Variants in ZNF385B observed in about 807,000 individuals in gnomAD.
ZNF385B encodes the protein zinc finger protein 533.
In ZNF385B, 23 loss-of-function variants were observed where a neutral mutation model predicts 39.2. That is an observed-to-expected ratio of 0.59 (90% confidence interval 0.42 to 0.83). The LOEUF (loss-of-function observed/expected upper bound fraction) is 0.83, where lower values mean the gene tolerates loss of function less well. ZNF385B is among the 40% of genes least tolerant of loss of function. ZNF385B has a pLI of 0.00. For missense variants in ZNF385B, 552 were observed against 598.9 expected, an observed-to-expected ratio of 0.92 and a Z score of 0.82; for synonymous variants, 205 against 222.6, an observed-to-expected ratio of 0.92 and a Z score of 0.70.
chr2:179,808,141 T>A (rs949514533), intron 1 of ZNF385B, among the ~76,000 whole-genome samples: 2 of 152,002 alleles, frequency 1.3e-5, no homozygotes, highest in South Asian at 2.1e-4. Flanking sequence ...CACGCCATTC[T>A]CCTGCCTTAG....
chr2:179,521,442 C>T (rs1293798136), intron 4 of ZNF385B, among the ~76,000 whole-genome samples: 1 of 149,428 alleles, frequency 6.7e-6, no homozygotes, highest in African/African-American at 2.5e-5. Flanking sequence ...TCAGGCGATC[C>T]GCCTGACTTG....
At chr2:179,825,193 T>C (rs563287986) in intron 1 of ZNF385B, among the ~76,000 whole-genome samples, 1 of 152,308 alleles carries the variant, frequency 6.6e-6, no homozygotes, top group Admixed American at 6.5e-5. Flanking sequence ...TGAATGGCCT[T>C]TGTATTACAA....
intron 5 of ZNF385B, among the ~76,000 whole-genome samples, chr2:179,493,689 A>ACATATGCATATACG (rs2055663409): frequency 2.1e-5 from 2 of 96,112 alleles, no homozygotes; most frequent in South Asian, 3.5e-4. Flanking sequence ...ACATATACAC[A>ACATATGCATATACG]TATATACATA....
At chr2:179,521,353 G>GTTTTTTTT (rs56392185) in intron 4 of ZNF385B, among the ~76,000 whole-genome samples, 30 of 108,162 alleles carry the variant, frequency 2.8e-4, no homozygotes, top group South Asian at 3.6e-4. Flanking sequence ...CACCTGGCCA[G>GTTTTTTTT]TTTTTTTTTT....
chr2:179,524,624 G>C (rs190477090), intron 4 of ZNF385B, among the ~76,000 whole-genome samples: 235 of 146,760 alleles, frequency 1.6e-3, no homozygotes, highest in African/African-American at 5.7e-3. Context: ...TATTTCTAGA[G>C]GTCCAATATG....
intron 3 of ZNF385B, among the ~76,000 whole-genome samples, chr2:179,646,546 T>C (rs1692736044): frequency 6.6e-6 from 1 of 152,194 alleles, no homozygotes; most frequent in Non-Finnish European, 1.5e-5. Context: ...AATGAATAAA[T>C]GAGCTCCTGC....
At position 179,717,138 on chromosome 2, in the gene ZNF385B, A is replaced by G. The variant is rs573735171; in HGVS notation, c.298+52365T>C. ...GTTTAGGCCCTCAAAATGAATATTC[A>G]AAAAAAAATTAGAACAAAAGTAGAA... On this transcript the variant is annotated intron_variant, in intron 3 of 9. Coordinates refer to ENST00000410066, the MANE Select transcript of ZNF385B (RefSeq NM_152520.6). Among the ~76,000 whole-genome samples the G allele has an allele frequency of 4.0e-5, 6 of 151,506 alleles. No individual in the cohort carries two copies. In the South Asian group the frequency reaches 1.2e-3, roughly 31 times the overall value.
intron 6 of ZNF385B, among the ~76,000 whole-genome samples, chr2:179,451,059 A>G (rs951076037): frequency 1.5e-5 from 2 of 134,138 alleles, no homozygotes; most frequent in African/African-American, 5.7e-5. Context: ...ATGATAACAC[A>G]TGGACACAGG....
chr2:179,500,070 T>A (rs961348063), intron 5 of ZNF385B, among the ~76,000 whole-genome samples: 1 of 151,900 alleles, frequency 6.6e-6, no homozygotes, highest in Non-Finnish European at 1.5e-5. Flanking sequence ...TATCTAAGAT[T>A]TAACCAAAGA....
intron 1 of ZNF385B, among the ~76,000 whole-genome samples, chr2:179,848,585 T>G (rs915261944): frequency 6.6e-6 from 1 of 152,238 alleles, no homozygotes; most frequent in African/African-American, 2.4e-5. Context: ...GGAATTTTGA[T>G]CTGGGTGAGA....
chr2:179,720,929 T>G (rs1333706234), intron 3 of ZNF385B, among the ~76,000 whole-genome samples: 3 of 142,664 alleles, frequency 2.1e-5, no homozygotes, highest in African/African-American at 7.8e-5. Context: ...CTGGCTGTTT[T>G]TTTTTTTTTT....
At chr2:179,858,164 T>C (rs954202891) in intron 1 of ZNF385B, among the ~76,000 whole-genome samples, 5 of 152,064 alleles carry the variant, frequency 3.3e-5, no homozygotes, top group African/African-American at 1.2e-4. Flanking sequence ...AATAGAAAGA[T>C]GAAGAAGCAG....
At chr2:179,449,626 T>G (rs1415291579) in intron 6 of ZNF385B, among the ~76,000 whole-genome samples, 1 of 152,040 alleles carries the variant, frequency 6.6e-6, no homozygotes, top group Non-Finnish European at 1.5e-5. Context: ...GGAAGAACAT[T>G]CCATGCTCAT....
intron 3 of ZNF385B, among the ~76,000 whole-genome samples, chr2:179,662,190 C>T (rs1445414829): frequency 6.6e-6 from 1 of 152,094 alleles, no homozygotes; most frequent in Non-Finnish European, 1.5e-5. Context: ...GTGGAGGAAG[C>T]TGTGGTATAT....
At chr2:179,640,963 GAA>G (rs1692212928) in intron 3 of ZNF385B, among the ~76,000 whole-genome samples, 1 of 152,070 alleles carries the variant, frequency 6.6e-6, no homozygotes, top group South Asian at 2.1e-4. Flanking sequence ...CTTTCTCTCT[GAA>G]AAGAGTTATT....
At position 179,525,527 on chromosome 2, in the gene ZNF385B, C is replaced by G. The variant is rs187552675; in HGVS notation, c.442-6889G>C. 6.5e-4 allele frequency among the ~76,000 whole-genome samples: 99 copies of G among 152,282 alleles called. 1 individual carries two copies. The East Asian group carries it at 0.016, about 25-fold the overall frequency. On this transcript the variant is annotated intron_variant, in intron 4 of 9. Transcript: ENST00000410066. Reference sequence around the variant, plus strand: ...ATTTGCACCTGTCCTTGATTTGCTGCTAAGCAGACCGCAGCTACAAACCCT... The same window carrying G: ...ATTTGCACCTGTCCTTGATTTGCTGGTAAGCAGACCGCAGCTACAAACCCT...
intron 3 of ZNF385B, among the ~76,000 whole-genome samples, chr2:179,652,965 CT>C (rs1693339556): frequency 1.3e-5 from 2 of 151,924 alleles, no homozygotes; most frequent in Admixed American, 6.6e-5. Context: ...GGACAGGGTT[CT>C]TTCCTGCTTC....
intron 3 of ZNF385B, among the ~76,000 whole-genome samples, chr2:179,627,073 A>G (rs537175017): frequency 6.6e-6 from 1 of 152,314 alleles, no homozygotes; most frequent in African/African-American, 2.4e-5. Context: ...TACCTTTAAC[A>G]AATAGTTCTA....
At chr2:179,842,949 C>T (rs558721804) in intron 1 of ZNF385B, among the ~76,000 whole-genome samples, 1 of 152,164 alleles carries the variant, frequency 6.6e-6, no homozygotes, top group Non-Finnish European at 1.5e-5. Context: ...GCCTCAGGTG[C>T]TGTAGGATTC....
Sources: allele counts gnomAD v4.1 joint callset (sites outside exome capture counted in the v4.1 genomes callset), GRCh38; gene constraint gnomAD v4.1.1; transcripts MANE v1.5; gene names NCBI Gene and HGNC (gene_info 2026-07-23, HGNC 2026-07-21).